Variants in PPARGC1A observed in about 807,000 individuals in gnomAD.
PPARGC1A encodes the protein PPARG coactivator 1 alpha.
PPARGC1A carries 25 observed loss-of-function variants against 88.7 expected under a neutral mutation model. The observed-to-expected ratio is 0.28, with a 90% confidence interval of 0.21 to 0.39. The LOEUF is 0.39. Among genes scored for constraint, PPARGC1A ranks in the 10% least tolerant of loss-of-function variants. The pLI, the probability that PPARGC1A is intolerant of heterozygous loss-of-function variation, is 1.00. For missense variants in PPARGC1A, 880 were observed against 968.7 expected, an observed-to-expected ratio of 0.91 and a Z score of 1.22; for synonymous variants, 363 against 355.6, an observed-to-expected ratio of 1.02 and a Z score of -0.24.
chr4:24,404,274 A>ATATG, the PPARGC1A span, among the ~76,000 whole-genome samples: 1 of 151,790 alleles, frequency 6.6e-6, no homozygotes, highest in Non-Finnish European at 1.5e-5. Flanking sequence ...AAAAATATAT[A>ATATG]TATAAATAAA....
chr4:24,207,712 T>A, the PPARGC1A span, among the ~76,000 whole-genome samples: 2 of 152,214 alleles, frequency 1.3e-5, no homozygotes, highest in African/African-American at 4.8e-5. Context: ...TTTAAAAAAA[T>A]TTCCTCAGCC....
In PPARGC1A at chr4:23,821,976, C is replaced by T. The variant is rs558925513; in HGVS notation, c.877+2304G>A. On this transcript the variant is annotated intron_variant, in intron 7 of 12. Coordinates refer to ENST00000264867, the MANE Select transcript of PPARGC1A (RefSeq NM_013261.5). The stretch of plus-strand genomic sequence containing the variant: ...AACTGTTTTACTTCAGATCGAACCA[C>T]ATAAAATTCCATTTTTGTGTGTCAA... Among the ~76,000 whole-genome samples the T allele has an allele frequency of 3.9e-5, 6 of 152,224 alleles. No homozygotes were observed. The South Asian group carries it at 1.0e-3, about 26-fold the overall frequency.
At chr4:24,456,140 G>A in the PPARGC1A span, among the ~76,000 whole-genome samples, 8 of 152,222 alleles carry the variant, frequency 5.3e-5, no homozygotes, top group Admixed American at 3.9e-4. Context: ...AAAGGGAAGT[G>A]AAAGATTGAT....
the PPARGC1A span, among the ~76,000 whole-genome samples, chr4:24,269,125 A>T: frequency 9.2e-5 from 14 of 152,294 alleles, no homozygotes; most frequent in South Asian, 2.9e-3. Context: ...TTGATAATGT[A>T]CCAGCACCAG....
At chr4:24,197,062 G>T in the PPARGC1A span, among the ~76,000 whole-genome samples, 1 of 152,156 alleles carries the variant, frequency 6.6e-6, no homozygotes, top group African/African-American at 2.4e-5. Context: ...CTGTACTGAT[G>T]GAAATTGCCA....
chr4:24,066,383 C>T, the PPARGC1A span, among the ~76,000 whole-genome samples: 3 of 152,072 alleles, frequency 2.0e-5, no homozygotes, highest in Non-Finnish European at 2.9e-5. Flanking sequence ...ATTTGCTTCA[C>T]CTGAAAGAGA....
At chr4:24,434,621 A>G in the PPARGC1A span, among the ~76,000 whole-genome samples, 5 of 152,178 alleles carry the variant, frequency 3.3e-5, no homozygotes, top group Non-Finnish European at 7.3e-5. Flanking sequence ...CGGCTTGGGA[A>G]AGCAAAAGGC....
At chr4:24,041,904 C>T in the PPARGC1A span, among the ~76,000 whole-genome samples, 1 of 150,738 alleles carries the variant, frequency 6.6e-6, no homozygotes, top group South Asian at 2.1e-4. Context: ...TATCAGAAGG[C>T]ATCCCACCAA....
the PPARGC1A span, among the ~76,000 whole-genome samples, chr4:24,089,501 TTTTCTTTTC>T: frequency 2.1e-5 from 2 of 93,626 alleles, 1 homozygote; most frequent in African/African-American, 8.6e-5. Context: ...TTTTCTTTTC[TTTTCTTTTC>T]TTTCTTTTTT....
the PPARGC1A span, among the ~76,000 whole-genome samples, chr4:23,939,848 G>A: frequency 2.0e-5 from 3 of 152,096 alleles, no homozygotes; most frequent in African/African-American, 7.2e-5. Flanking sequence ...AGTAAGAAAA[G>A]AACATAATAA....
chr4:24,332,698 C>G, the PPARGC1A span, among the ~76,000 whole-genome samples: 1 of 152,110 alleles, frequency 6.6e-6, no homozygotes, highest in African/African-American at 2.4e-5. Context: ...TGTAAATGAA[C>G]ATCTGTGCTC....
the PPARGC1A span, among the ~76,000 whole-genome samples, chr4:24,296,203 G>GTA: frequency 6.5e-4 from 96 of 147,806 alleles, no homozygotes; most frequent in East Asian, 2.0e-3. Flanking sequence ...GTGTGTGTGT[G>GTA]TATATATATA....
At chr4:24,432,257 C>A in the PPARGC1A span, among the ~76,000 whole-genome samples, 1 of 152,274 alleles carries the variant, frequency 6.6e-6, no homozygotes, top group Non-Finnish European at 1.5e-5. Context: ...TAAGCTTTGT[C>A]TGTGACAGAA....
chr4:24,471,251 C>T, the PPARGC1A span, among the ~76,000 whole-genome samples: 1 of 152,014 alleles, frequency 6.6e-6, no homozygotes, highest in African/African-American at 2.4e-5. This position sits in a 1 kb window ranked among gnomAD's most constrained non-coding sequence, Gnocchi z 5.4. Context: ...TAATGCCTTT[C>T]ACCATTGCTC....
chr4:23,836,543 C>A (rs1183575103), intron 2 of PPARGC1A, among the ~76,000 whole-genome samples: 2 of 152,186 alleles, frequency 1.3e-5, no homozygotes, highest in Non-Finnish European at 2.9e-5. Context: ...GAATCTGCAA[C>A]AATTCCTAAG....
At chr4:23,939,418 T>G in the PPARGC1A span, among the ~76,000 whole-genome samples, 1 of 152,366 alleles carries the variant, frequency 6.6e-6, no homozygotes, top group South Asian at 2.1e-4. Flanking sequence ...TGTTTCACCT[T>G]ATTACCCTCT....
chr4:24,022,267 C>T, the PPARGC1A span, among the ~76,000 whole-genome samples: 5,657 of 152,102 alleles, frequency 0.037, 236 homozygotes, highest in African/African-American at 0.098. Context: ...TCCTTTGTTG[C>T]TTTTTTTGTC....
the PPARGC1A span, among the ~76,000 whole-genome samples, chr4:23,973,835 T>C: frequency 1.3e-5 from 2 of 152,122 alleles, no homozygotes; most frequent in Non-Finnish European, 2.9e-5. Flanking sequence ...ACAAATGTGT[T>C]GGTGCCAGGA....
chr4:24,215,717 C>T, the PPARGC1A span, among the ~76,000 whole-genome samples: 1 of 152,104 alleles, frequency 6.6e-6, no homozygotes, highest in South Asian at 2.1e-4. Context: ...TTCCTCCCTC[C>T]TGTAGGTAGA....
Sources: allele counts gnomAD v4.1 joint callset (sites outside exome capture counted in the v4.1 genomes callset), GRCh38; gene constraint gnomAD v4.1.1; non-coding constraint Gnocchi (gnomAD v3.1); transcripts MANE v1.5; gene names NCBI Gene and HGNC (gene_info 2026-07-23, HGNC 2026-07-21).